The following FBN2 variants were observed in gnomAD, a reference collection of about 807,000 sequenced individuals.
The protein encoded by FBN2 is fibrillin 2.
A neutral mutation model predicts 355.6 loss-of-function variants in FBN2; 105 were observed. The ratio of observed to expected loss-of-function variants is 0.30; its 90% CI spans 0.25 to 0.35. The LOEUF (loss-of-function observed/expected upper bound fraction) is 0.35, where lower values mean the gene tolerates loss of function less well. FBN2 is among the 10% of genes least tolerant of loss of function. The pLI is 1.00. For synonymous variants in FBN2, 1,350 were observed against 1,301.2 expected, an observed-to-expected ratio of 1.04 and a Z score of -0.81; for missense variants, 3,280 against 3,758.7, an observed-to-expected ratio of 0.87 and a Z score of 3.33.
At chr5:128,305,745 T>C in intron 43 of FBN2, 78 bp downstream of exon 43, 1 of 1,600,630 alleles carries the variant, frequency 6.2e-7, no homozygotes, top group African/African-American at 1.3e-5. Context: ...GAAGAAATAG[T>C]AAAAATCAGA....
At chr5:128,423,871 G>A (rs770977283) in intron 7 of FBN2, among the ~76,000 whole-genome samples, 7 of 152,146 alleles carry the variant, frequency 4.6e-5, no homozygotes, top group Non-Finnish European at 8.8e-5. Flanking sequence ...GAAGAGAGAC[G>A]TTAGTGACAA....
chr5:128,332,607 C>T (rs1169970409), intron 32 of FBN2, among the ~76,000 whole-genome samples: 1 of 152,130 alleles, frequency 6.6e-6, no homozygotes, highest in Non-Finnish European at 1.5e-5. Context: ...CTGATTACTT[C>T]TTTGAAAAGA....
intron 23 of FBN2, among the ~76,000 whole-genome samples, chr5:128,346,491 T>C (rs1198519941): frequency 6.6e-6 from 1 of 152,228 alleles, no homozygotes; most frequent in African/African-American, 2.4e-5. Context: ...CTGATGGAAA[T>C]GTACACATAA....
chr5:128,315,024 A>G (rs1385587679), intron 36 of FBN2, among the ~76,000 whole-genome samples: 1 of 152,162 alleles, frequency 6.6e-6, no homozygotes, highest in East Asian at 1.9e-4. Flanking sequence ...AGTTAATTCC[A>G]TTGGCATATA....
chr5:128,488,652 TC>T (rs990959368), intron 5 of FBN2, among the ~76,000 whole-genome samples: 1 of 150,410 alleles, frequency 6.6e-6, no homozygotes, highest in African/African-American at 2.5e-5. Context: ...CCCTCCCCCT[TC>T]CCCCCACCCC....
chr5:128,459,587 C>T (rs537435404), intron 6 of FBN2, among the ~76,000 whole-genome samples: 18 of 152,164 alleles, frequency 1.2e-4, no homozygotes, highest in Non-Finnish European at 2.1e-4. Context: ...TCCAGAAGCA[C>T]ATCAAAAAAC....
In FBN2 at chr5:128,345,384, C is replaced by T; in HGVS notation, c.3190G>A (p.Val1064Ile). 5 of 1,614,198 alleles carry T rather than the reference C, an allele frequency of 3.1e-6. No individual in the cohort carries two copies. Among genetic ancestry groups the T allele is most frequent in the South Asian group, 2.2e-5 (2 of 91,082 alleles). ...RGAGFANRGD[V>I]LTGRPFYKDI... ...TTGTAAAATGGCCGCCCAGTAAGAA[C>T]ATCCCCTCGGTTAGCAAAGCCAGCC... Residue 1064 changes from valine (V) to isoleucine (I), a missense_variant, in exon 24 of 65, where the codon GTT becomes ATT. Transcript: ENST00000262464.
At chr5:128,300,717 G>C (rs1749690231) in intron 48 of FBN2, 100 bp downstream of exon 48, 2 of 1,161,644 alleles carry the variant, frequency 1.7e-6, no homozygotes, top group African/African-American at 3.0e-5. Context: ...CCTTAGGTCA[G>C]CATGCTTGCA....
At chr5:128,306,591 C>T (rs1182298299) in intron 42 of FBN2, among the ~76,000 whole-genome samples, 1 of 151,822 alleles carries the variant, frequency 6.6e-6, no homozygotes, top group African/African-American at 2.4e-5. Context: ...CATTGCACTC[C>T]AGCCTGGGCA....
chr5:128,450,902 C>CA (rs2127064178), intron 6 of FBN2, among the ~76,000 whole-genome samples: 1 of 152,104 alleles, frequency 6.6e-6, no homozygotes, highest in South Asian at 2.1e-4. Context: ...CTCATTGCAA[C>CA]AAATGTTAAA....
At chr5:128,483,928 C>CT (rs1347346353) in intron 5 of FBN2, among the ~76,000 whole-genome samples, 1 of 152,180 alleles carries the variant, frequency 6.6e-6, no homozygotes, top group Non-Finnish European at 1.5e-5. Context: ...ACTCTGGTGT[C>CT]TGACTTCAGT....
chr5:128,351,019 G>C lies in FBN2; in HGVS notation c.2675-14C>G. ...CCTTCAGGCTGTCTGAAAAGGAACA[G>C]GAAAGGTTGGGGAGCTCTTACCTCT... On this transcript the variant is annotated splice_polypyrimidine_tract_variant and intron_variant, in intron 20 of 64. Transcript: ENST00000262464. The C allele has an allele frequency of 6.2e-7, 1 of 1,614,140 alleles. No individual in the cohort carries two copies. Among genetic ancestry groups the C allele is most frequent in the Non-Finnish European group, 8.5e-7 (1 of 1,179,980 alleles).
chr5:128,290,086 T>G, intron 50 of FBN2, 139 bp from the exon 51 acceptor site: 1 of 676,330 alleles, frequency 1.5e-6, no homozygotes. Context: ...CTCTTTTATT[T>G]TTATGATTTA....
intron 7 of FBN2, among the ~76,000 whole-genome samples, chr5:128,435,917 C>T (rs1176632898): frequency 6.6e-6 from 1 of 152,040 alleles, no homozygotes; most frequent in Non-Finnish European, 1.5e-5. Context: ...AATGATGTTA[C>T]CCACTGTGCC....
intron 7 of FBN2, among the ~76,000 whole-genome samples, chr5:128,416,075 G>T (rs1366856589): frequency 6.7e-6 from 1 of 150,134 alleles, no homozygotes; most frequent in Non-Finnish European, 1.5e-5. Flanking sequence ...TGCCCAGGCT[G>T]GAGTGCAATG....
chr5:128,349,265 G>T, intron 23 of FBN2, 82 bp downstream of exon 23: 1 of 1,524,128 alleles, frequency 6.6e-7, no homozygotes, highest in Non-Finnish European at 9.1e-7. Context: ...ACAAACTCTT[G>T]TGGTTTTGGA....
intron 6 of FBN2, among the ~76,000 whole-genome samples, chr5:128,461,443 C>T (rs1015350520): frequency 5.9e-5 from 9 of 152,254 alleles, no homozygotes; most frequent in East Asian, 5.8e-4. Context: ...GACAGTATGG[C>T]GATTCCTCAA....
At chr5:128,535,896 C>A (rs145175476) in intron 2 of FBN2, among the ~76,000 whole-genome samples, 1 of 151,406 alleles carries the variant, frequency 6.6e-6, no homozygotes, top group Non-Finnish European at 1.5e-5. Flanking sequence ...ACACTAAATC[C>A]GCGAGAATGC....
chr5:128,444,558 A>G (rs1052214936), intron 7 of FBN2, among the ~76,000 whole-genome samples: 4 of 152,222 alleles, frequency 2.6e-5, no homozygotes, highest in Non-Finnish European at 5.9e-5. Context: ...ATTAAATCAC[A>G]TAATTATTTC....
Sources: gnomAD v4.1 joint callset for allele counts (sites outside exome capture counted in the v4.1 genomes callset) on GRCh38, gnomAD v4.1.1 for gene constraint, MANE v1.5 for transcripts, NCBI Gene and HGNC (gene_info 2026-07-23, HGNC 2026-07-21) for gene names.